The following SLC25A48 variants were observed in gnomAD, a reference collection of about 807,000 sequenced individuals.
SLC25A48 encodes the protein CTC-321K16.1.
In SLC25A48, 29 loss-of-function variants were observed where a neutral mutation model predicts 32.2. The ratio of observed to expected loss-of-function variants is 0.90; its 90% CI spans 0.67 to 1.23. The LOEUF is 1.23. Among genes scored for constraint, SLC25A48 ranks in the 50% most tolerant of loss-of-function variants. The pLI, the probability that SLC25A48 is intolerant of heterozygous loss-of-function variation, is 0.00. For synonymous variants in SLC25A48, 164 were observed against 172.3 expected (o/e 0.95, Z 0.38); for missense variants, 399 against 422.7 (o/e 0.94, Z 0.49).
Position 135,878,211 on chromosome 5 carries a change from A to G in SLC25A48, c.814-1757A>G, listed in dbSNP as rs963989623. Among the ~76,000 whole-genome samples the G allele has an allele frequency of 9.8e-5, 15 of 152,296 alleles. No individual in the cohort carries two copies. In the East Asian group the frequency reaches 2.9e-3, roughly 29 times the overall value. On this transcript the variant is annotated intron_variant, in intron 6 of 7. Coordinates refer to ENST00000681962, the MANE Select transcript of SLC25A48 (RefSeq NM_001349336.2). ...GAGGGTGAGCTGTCTGCTGGTCTGA[A>G]GTGGCCCACAGCTCCTGCAGGGCCC...
At chr5:135,613,622 A>C (rs1408356080) in intron 1 of SLC25A48, among the ~76,000 whole-genome samples, 5 of 152,126 alleles carry the variant, frequency 3.3e-5, no homozygotes, top group Non-Finnish European at 2.9e-5. Context: ...AGAGGGGTCC[A>C]CTTTCATTCT....
chr5:135,718,780 T>C (rs1048166434), intron 3 of SLC25A48, among the ~76,000 whole-genome samples: 18 of 152,134 alleles, frequency 1.2e-4, no homozygotes, highest in African/African-American at 3.9e-4. Context: ...ATTCCATTTA[T>C]GTAATGTTTT....
At chr5:135,828,003 G>A (rs1157283885) in intron 4 of SLC25A48, among the ~76,000 whole-genome samples, 2 of 152,224 alleles carry the variant, frequency 1.3e-5, no homozygotes, top group Non-Finnish European at 1.5e-5. Context: ...CTCTTCCCAT[G>A]TGTGTGCCAT....
chr5:135,743,594 G>A (rs913963198), intron 3 of SLC25A48, among the ~76,000 whole-genome samples: 1 of 152,130 alleles, frequency 6.6e-6, no homozygotes, highest in East Asian at 1.9e-4. Context: ...CTTAACACAC[G>A]AGGTATAATG....
chr5:135,825,501 G>A (rs1758017092), intron 4 of SLC25A48, among the ~76,000 whole-genome samples: 1 of 152,152 alleles, frequency 6.6e-6, no homozygotes, highest in Non-Finnish European at 1.5e-5. Context: ...GAGTGACATT[G>A]CTGAGTGCTT....
rs33918902 is a variant in SLC25A48 at position 135,728,841 on chromosome 5, TACACACACACACACACAC to T, written c.-520-83656_-520-83639del. Among the ~76,000 whole-genome samples, 687 of 141,664 alleles carry T rather than the reference TACACACACACACACACAC, an allele frequency of 4.8e-3. 1 individual carries two copies. Among genetic ancestry groups the T allele is most frequent in the Non-Finnish European group, 6.4e-3 (425 of 66,170 alleles). 92.9% of individuals were successfully genotyped at this position (141,664 alleles called of 152,430 possible). ...AATTTCCCCTGAACACATACACAAA[TACACACACACACACACAC>T]ACACACACACACACACACACACACA... is the stretch of plus-strand genomic sequence containing the variant. On this transcript the variant is annotated intron_variant, in intron 3 of 10. Coordinates refer to the SLC25A48 transcript ENST00000646290.
intron 3 of SLC25A48, among the ~76,000 whole-genome samples, chr5:135,742,102 G>A (rs1409188377): frequency 6.6e-6 from 1 of 152,038 alleles, no homozygotes; most frequent in African/African-American, 2.4e-5. Context: ...TTTTGTATTT[G>A]AGAGTCTCAT....
At chr5:135,779,431 T>C (rs1036370089) in intron 3 of SLC25A48, among the ~76,000 whole-genome samples, 2 of 151,524 alleles carry the variant, frequency 1.3e-5, no homozygotes, top group African/African-American at 4.9e-5. Context: ...ACTCCCAATA[T>C]CACAGGGACT....
At chr5:135,720,809 C>A (rs986272971) in intron 3 of SLC25A48, among the ~76,000 whole-genome samples, 2 of 151,926 alleles carry the variant, frequency 1.3e-5, no homozygotes, top group African/African-American at 4.8e-5. Context: ...AAGGGAGAAG[C>A]GTGCACTTTG....
At chr5:135,600,099 A>T (rs1166997930) in intron 1 of SLC25A48, among the ~76,000 whole-genome samples, 1 of 152,128 alleles carries the variant, frequency 6.6e-6, no homozygotes, top group Non-Finnish European at 1.5e-5. Flanking sequence ...TTCTGGCCTC[A>T]TTACAGCTTT....
chr5:135,702,850 C>G (rs547213199), intron 3 of SLC25A48, among the ~76,000 whole-genome samples: 2 of 152,232 alleles, frequency 1.3e-5, no homozygotes, highest in Non-Finnish European at 2.9e-5. Flanking sequence ...TCCGGGAGCA[C>G]CCTTTGAGAA....
chr5:135,669,628 C>A (rs1753608665), intron 3 of SLC25A48, among the ~76,000 whole-genome samples: 1 of 152,154 alleles, frequency 6.6e-6, no homozygotes, highest in Non-Finnish European at 1.5e-5. Context: ...TAGTTGAGGG[C>A]TGCTTCTAAG....
chr5:135,832,716 G>C (rs1469479731), upstream of SLC25A48, among the ~76,000 whole-genome samples: 4 of 152,200 alleles, frequency 2.6e-5, no homozygotes, highest in African/African-American at 9.7e-5. Context: ...TGGCCTGAAA[G>C]GGTAAATAAG....
chr5:135,653,240 A>G (rs1753160498), intron 3 of SLC25A48, among the ~76,000 whole-genome samples: 1 of 152,244 alleles, frequency 6.6e-6, no homozygotes, highest in Admixed American at 6.5e-5. Context: ...AGGCCACTGA[A>G]TCAAAAGGCA....
intron 3 of SLC25A48, among the ~76,000 whole-genome samples, chr5:135,668,573 T>C (rs1289747747): frequency 6.6e-6 from 1 of 152,190 alleles, no homozygotes; most frequent in African/African-American, 2.4e-5. Flanking sequence ...TAGTGGAACA[T>C]AGACATGTAT....
At chr5:135,655,682 T>C (rs1247060732) in intron 3 of SLC25A48, among the ~76,000 whole-genome samples, 1 of 152,178 alleles carries the variant, frequency 6.6e-6, no homozygotes, top group African/African-American at 2.4e-5. Flanking sequence ...ACATGTGTGA[T>C]TCATAAAGTT....
intron 3 of SLC25A48, among the ~76,000 whole-genome samples, chr5:135,774,807 T>G (rs886991026): frequency 6.6e-6 from 1 of 151,384 alleles, no homozygotes; most frequent in Non-Finnish European, 1.5e-5. Flanking sequence ...ACTCTAAATA[T>G]TGAAAGGGGT....
chr5:135,872,843 A>G (rs922724422), intron 5 of SLC25A48: 6 of 152,414 alleles, frequency 3.9e-5, no homozygotes, highest in South Asian at 2.1e-4. Flanking sequence ...GTCAGCTCAT[A>G]GCAGACATAT....
chr5:135,641,757 A>G (rs1479060961), intron 3 of SLC25A48, among the ~76,000 whole-genome samples: 2 of 152,276 alleles, frequency 1.3e-5, no homozygotes, highest in Non-Finnish European at 2.9e-5. Flanking sequence ...TTGGCATCTC[A>G]TCTAGTCCAT....
Sources: gnomAD v4.1 joint callset for allele counts (sites outside exome capture counted in the v4.1 genomes callset) on GRCh38, gnomAD v4.1.1 for gene constraint, MANE v1.5 for transcripts, NCBI Gene and HGNC (gene_info 2026-07-23, HGNC 2026-07-21) for gene names.